VSTM2A: variants seen among roughly 807,000 people sequenced by gnomAD.
The protein encoded by VSTM2A is V-set and transmembrane domain-containing protein 2A.
VSTM2A carries 13 observed loss-of-function variants against 27.3 expected under a neutral mutation model. The ratio of observed to expected loss-of-function variants is 0.48; its 90% confidence interval spans 0.31 to 0.76. The LOEUF is 0.76. VSTM2A is among the 30% of genes least tolerant of loss of function. VSTM2A has a pLI of 0.05. For synonymous variants in VSTM2A, 142 were observed against 125.7 expected, an observed-to-expected ratio of 1.13 and a Z score of -0.87; for missense variants, 280 against 310.0, an observed-to-expected ratio of 0.90 and a Z score of 0.73.
chr7:54,553,977 A>G (rs376363259), intron 4 of VSTM2A: 4 of 1,552,506 alleles, frequency 2.6e-6, no homozygotes, highest in East Asian at 2.4e-5. Context: ...CACCTTCCCA[A>G]CGTCACACAG....
chr7:54,551,723 A>T (rs979284598), intron 4 of VSTM2A: 3 of 152,194 alleles, frequency 2.0e-5, no homozygotes, highest in Admixed American at 2.0e-4. Context: ...CTTTCTTCAC[A>T]TTATCATAAA....
In VSTM2A at chr7:54,570,650, A is replaced by G. The variant is rs1788865263; in HGVS notation, c.*1431A>G. On this transcript the variant is annotated 3_prime_UTR_variant, in exon 5 of 5. Transcript: ENST00000402613. ...TTATGTCTTTATGATAATTCAGACT[A>G]TTTTATTTTGAACCTGTTTTCTACT... 1 of 152,202 alleles carries G rather than the reference A, an allele frequency of 6.6e-6. No individual in the cohort carries two copies. Among genetic ancestry groups the G allele is most frequent in the African/African-American group, 2.4e-5 (1 of 41,462 alleles). The allele number at this position is 152,202 out of a possible 1,614,324, so 9.4% of individuals were successfully genotyped here. A position where few individuals can be genotyped will look rare whatever the true frequency, so the allele number is the denominator to read the frequency against.
In VSTM2A at chr7:54,548,882, T is replaced by G. The variant is rs192011605; in HGVS notation, c.298-952T>G. Reference sequence around the variant, plus strand: ...AAAATAACTTTCGGCCTCCTTCATTTCTTTTCTGTATCTTTCAAAATGAAC... The same window carrying G: ...AAAATAACTTTCGGCCTCCTTCATTGCTTTTCTGTATCTTTCAAAATGAAC... On this transcript the variant is annotated intron_variant, in intron 3 of 4. Coordinates refer to ENST00000402613, the MANE Select transcript of VSTM2A (RefSeq NM_001301009.2). Among the ~76,000 whole-genome samples the G allele has an allele frequency of 6.2e-3, 906 of 145,458 alleles. 13 individuals carry two copies. Among genetic ancestry groups the G allele is most frequent in the African/African-American group, 0.025 (873 of 35,380 alleles).
intron 2 of VSTM2A, among the ~76,000 whole-genome samples, chr7:54,545,897 A>G (rs1341079217): frequency 9.4e-6 from 1 of 105,880 alleles, no homozygotes; most frequent in East Asian, 3.5e-4. Context: ...GTAGAGGGAG[A>G]AAGAATGGGG....
chr7:54,567,496 G>A (rs1196153844), intron 4 of VSTM2A, among the ~76,000 whole-genome samples: 1 of 152,146 alleles, frequency 6.6e-6, no homozygotes, highest in Non-Finnish European at 1.5e-5. Flanking sequence ...ATGGGCTAAT[G>A]GGGTCAGCCA....
Position 54,544,774 on chromosome 7 carries a change from G to A in VSTM2A, c.232G>A (p.Gly78Arg), listed in dbSNP as rs771733662. The A allele has an allele frequency of 6.2e-7, 1 of 1,608,634 alleles. No individual in the cohort carries two copies. Among genetic ancestry groups the A allele is most frequent in the South Asian group, 1.1e-5 (1 of 90,770 alleles). ...GGAGGACCTGGATCCCGGGGCCGAG[G>A]GGGCCGGCGCGCAGGTAGCGGAGCC... ...GPEDLDPGAEGAGAQVELLPD... is the reference protein window; with the variant it reads ...GPEDLDPGAERAGAQVELLPD... The change falls in exon 2 of 5, where the codon GGG becomes AGG. Residue 78 changes from glycine (G) to arginine (R), a missense_variant. Transcript: ENST00000402613.
rs1788136571 is a variant in VSTM2A, at chr7:54,550,087, T to C, written c.551T>C (p.Ile184Thr). 6.2e-7 allele frequency: 1 copy of C among 1,608,504 alleles called. No homozygotes were observed. The highest frequency in any genetic ancestry group is 1.7e-5 in the Admixed American group (1 of 59,306). Residue 184 changes from isoleucine (I) to threonine (T), a missense_variant, in exon 4 of 5, where the codon ATC (isoleucine) becomes ACC (threonine). Ile to Thr is a moderately conservative substitution (Grantham distance 89). Transcript: ENST00000402613. ...KNVSAAIPSS[I>T]HGSANQRTHS... ...GTCTCCGCAGCCATCCCCAGCAGCA[T>C]CCATGGCTCTGCCAACCAACGAACG...
chr7:54,569,203 C>T lies in VSTM2A; in HGVS notation c.707C>T (p.Ala236Val). The T allele has an allele frequency of 6.4e-7, 1 of 1,551,698 alleles. No individual in the cohort carries two copies. The highest frequency in any genetic ancestry group is 8.7e-7 in the Non-Finnish European group (1 of 1,146,954). The part of the protein sequence containing the change: ...KLTLNSKHHP[A>V]PTVL ...ACCCTAAACTCCAAGCACCACCCTG[C>T]ACCCACTGTACTCTAATTCACTACA... The change falls in exon 5 of 5, where the codon GCA becomes GTA. Residue 236 changes from alanine to valine, a missense_variant. By Grantham distance (64) the Ala-to-Val change is moderately conservative. Coordinates refer to ENST00000402613, the MANE Select transcript of VSTM2A (RefSeq NM_001301009.2).
intron 4 of VSTM2A, chr7:54,558,018 A>G (rs997811525): frequency 3.3e-5 from 5 of 151,998 alleles, no homozygotes; most frequent in South Asian, 4.1e-4. Context: ...AGCACAACAT[A>G]TTAGCCACCA....
At chr7:54,563,446 G>A (rs566893367) in intron 4 of VSTM2A, among the ~76,000 whole-genome samples, 7 of 152,122 alleles carry the variant, frequency 4.6e-5, no homozygotes, top group African/African-American at 1.7e-4. Context: ...CATCCCATCT[G>A]CACAAAATCA....
rs202150910 is a variant in VSTM2A at position 54,542,782 on chromosome 7, T to G, written c.52T>G (p.Tyr18Asp). The G allele has an allele frequency of 6.2e-7, 1 of 1,613,932 alleles. No individual in the cohort carries two copies. The highest frequency in any genetic ancestry group is 1.7e-5 in the Admixed American group (1 of 60,028). ...TGGATTTGTTTTCTTTTCCGTTTTA[T>G]ATGTACAACAAGGGCTTTCTTCTCA... ...YVGFVFFSVLYVQQGLSSQAK... is the reference protein window; with the variant it reads ...YVGFVFFSVLDVQQGLSSQAK... The change falls in exon 1 of 5, where the codon TAT (tyrosine) becomes GAT (aspartate). Residue 18 changes from tyrosine (Y) to aspartate (D), a missense_variant. By Grantham distance (160) the Tyr-to-Asp change is radical. Coordinates refer to ENST00000402613, the MANE Select transcript of VSTM2A (RefSeq NM_001301009.2).
chr7:54,543,522 T>C (rs1189458245), intron 1 of VSTM2A, among the ~76,000 whole-genome samples: 3 of 151,918 alleles, frequency 2.0e-5, no homozygotes, highest in Admixed American at 6.6e-5. Context: ...TAGGTACAAA[T>C]ATAGTTTCAT....
At position 54,546,682 on chromosome 7, in the gene VSTM2A, G is replaced by C. The variant is rs530945439; in HGVS notation, c.247-265G>C. On this transcript the variant is annotated intron_variant, in intron 2 of 4. Transcript: ENST00000402613. ...GCATCCGCGCGGCAGGGACAGCGCCGGGACAGCGCCGGGACAGCCCCGGGA... is the reference window on the plus strand; with the variant it reads ...GCATCCGCGCGGCAGGGACAGCGCCCGGACAGCGCCGGGACAGCCCCGGGA... 2.0e-3 allele frequency: 674 copies of C among 335,964 alleles called. 2 individuals carry two copies. Among genetic ancestry groups the C allele is most frequent in the Non-Finnish European group, 2.3e-3 (458 of 197,748 alleles). The allele number at this position is 335,964 out of a possible 1,614,324, so 20.8% of individuals were successfully genotyped here.
intron 3 of VSTM2A, among the ~76,000 whole-genome samples, chr7:54,548,090 T>G (rs1788061226): frequency 1.3e-5 from 2 of 152,204 alleles, no homozygotes; most frequent in African/African-American, 4.8e-5. Context: ...AAAATCTAGT[T>G]TTTTCTTAAT....
At chr7:54,567,000 A>G (rs1329300307) in intron 4 of VSTM2A, among the ~76,000 whole-genome samples, 1 of 152,218 alleles carries the variant, frequency 6.6e-6, no homozygotes, top group Admixed American at 6.5e-5. Context: ...ATTTGTTAAA[A>G]TTACACAGGA....
At chr7:54,568,961 C>T (rs980394619) in intron 4 of VSTM2A, 170 bp from the exon 5 acceptor site, 2 of 1,551,362 alleles carry the variant, frequency 1.3e-6, no homozygotes, top group African/African-American at 1.4e-5. Flanking sequence ...TAATAAGGAG[C>T]GTTGGAAATC....
At chr7:54,566,812 C>A (rs1391096259) in intron 4 of VSTM2A, among the ~76,000 whole-genome samples, 15 of 152,194 alleles carry the variant, frequency 9.9e-5, no homozygotes, top group Admixed American at 9.8e-4. Flanking sequence ...TGACGGCAAT[C>A]CTGGCTCTGC....
intron 4 of VSTM2A, chr7:54,559,013 A>G (rs1458861393): frequency 6.6e-6 from 1 of 152,106 alleles, no homozygotes; most frequent in African/African-American, 2.4e-5. Context: ...TAGGAAAATA[A>G]TAAATGTCAA....
At chr7:54,542,830 A>G in intron 1 of VSTM2A, 21 bp downstream of exon 1, 1 of 1,607,036 alleles carries the variant, frequency 6.2e-7, no homozygotes, top group African/African-American at 1.3e-5. Flanking sequence ...CTCAATGGCA[A>G]ATATACATTT....
Sources: allele counts gnomAD v4.1 joint callset (sites outside exome capture counted in the v4.1 genomes callset), GRCh38; gene constraint gnomAD v4.1.1; transcripts MANE v1.5; gene names NCBI Gene and HGNC (gene_info 2026-07-23, HGNC 2026-07-21).